EXT1: variants seen among roughly 807,000 people sequenced by gnomAD.
EXT1 encodes exostosin glycosyltransferase 1.
A neutral mutation model predicts 82.5 loss-of-function variants in EXT1; 20 were observed. The ratio of observed to expected loss-of-function variants is 0.24; its 90% confidence interval spans 0.17 to 0.35. The LOEUF (loss-of-function observed/expected upper bound fraction) is 0.35, where lower values mean the gene tolerates loss of function less well. Among genes scored for constraint, EXT1 ranks in the 10% least tolerant of loss-of-function variants. The pLI is 1.00. For missense variants in EXT1, 757 were observed against 936.5 expected, an observed-to-expected ratio of 0.81 and a Z score of 2.50; for synonymous variants, 348 against 350.8, an observed-to-expected ratio of 0.99 and a Z score of 0.09.
intron 1 of EXT1, among the ~76,000 whole-genome samples, chr8:118,012,520 C>G (rs1256486520): frequency 6.6e-6 from 1 of 152,202 alleles, no homozygotes; most frequent in African/African-American, 2.4e-5. Flanking sequence ...AGGACAGAGA[C>G]CAGGCCCAGA....
At chr8:117,808,993 G>A (rs1823275619) in intron 8 of EXT1, among the ~76,000 whole-genome samples, 1 of 151,778 alleles carries the variant, frequency 6.6e-6, no homozygotes. Context: ...CCCTTGGACT[G>A]GGATTTACAT....
intron 1 of EXT1, among the ~76,000 whole-genome samples, chr8:117,903,078 C>T (rs186362217): frequency 4.6e-5 from 7 of 152,328 alleles, no homozygotes; most frequent in Admixed American, 1.3e-4. Context: ...ATTTATGAAG[C>T]TCTTAATATG....
At chr8:118,102,746 A>G (rs765455250) in intron 1 of EXT1, among the ~76,000 whole-genome samples, 5 of 152,252 alleles carry the variant, frequency 3.3e-5, no homozygotes, top group Non-Finnish European at 7.3e-5. Context: ...AGTGGCTAAC[A>G]CTTATAATAG....
chr8:118,054,232 A>C (rs1389285500), intron 1 of EXT1, among the ~76,000 whole-genome samples: 1 of 152,166 alleles, frequency 6.6e-6, no homozygotes, highest in Non-Finnish European at 1.5e-5. Context: ...TTTGTGCCCC[A>C]AACTAGCTAG....
intron 1 of EXT1, among the ~76,000 whole-genome samples, chr8:117,996,053 GC>G (rs1815532957): frequency 6.6e-6 from 1 of 152,024 alleles, no homozygotes; most frequent in Non-Finnish European, 1.5e-5. Context: ...GGGGTCTACT[GC>G]CCTTGCCTTT....
At chr8:117,984,385 T>G (rs1815269065) in intron 1 of EXT1, among the ~76,000 whole-genome samples, 1 of 149,216 alleles carries the variant, frequency 6.7e-6, no homozygotes, top group African/African-American at 2.5e-5. Context: ...GCCGCAATCA[T>G]GCCACTGCAC....
intron 1 of EXT1, among the ~76,000 whole-genome samples, chr8:118,029,729 T>C (rs1678875576): frequency 6.6e-6 from 1 of 152,190 alleles, no homozygotes; most frequent in Non-Finnish European, 1.5e-5. Flanking sequence ...AGGCCAATAA[T>C]GTCAAAGTCT....
intron 1 of EXT1, among the ~76,000 whole-genome samples, chr8:117,875,720 T>C (rs572380597): frequency 2.7e-4 from 41 of 151,444 alleles, no homozygotes; most frequent in African/African-American, 9.4e-4. Context: ...GGGAGAGGAG[T>C]TGAGGGAAGA....
chr8:117,919,326 C>T (rs748812057), intron 1 of EXT1, among the ~76,000 whole-genome samples: 1 of 151,666 alleles, frequency 6.6e-6, no homozygotes, highest in South Asian at 2.1e-4. Context: ...GCTGGCACTA[C>T]AGGCATTACA....
Position 117,809,386 on chromosome 8 carries a change from C to T in EXT1, c.1723-2009G>A, listed in dbSNP as rs983678685. Among the ~76,000 whole-genome samples, 4 of 151,546 alleles carry T rather than the reference C, an allele frequency of 2.6e-5. 1 individual carries two copies. Among genetic ancestry groups the T allele is most frequent in the Admixed American group, 2.6e-4 (4 of 15,198 alleles). ...GCACAGTGTCTCACGCCTATAATCC[C>T]AGCACTTTGGGAGGCTGAGGTGGGC... On this transcript the variant is annotated intron_variant, in intron 8 of 10. Coordinates refer to ENST00000378204, the MANE Select transcript of EXT1 (RefSeq NM_000127.3).
intron 1 of EXT1, among the ~76,000 whole-genome samples, chr8:117,922,919 T>C (rs764916157): frequency 6.6e-6 from 1 of 152,228 alleles, no homozygotes; most frequent in Non-Finnish European, 1.5e-5. Flanking sequence ...CAACCCTTTC[T>C]AATGCTAGTA....
chr8:117,865,721 C>T (rs1037554061), intron 1 of EXT1, among the ~76,000 whole-genome samples: 2 of 152,104 alleles, frequency 1.3e-5, no homozygotes, highest in South Asian at 4.1e-4. Context: ...TGGCACTAAT[C>T]GTATAAATCG....
At chr8:117,930,640 C>T (rs535875875) in intron 1 of EXT1, among the ~76,000 whole-genome samples, 1 of 152,256 alleles carries the variant, frequency 6.6e-6, no homozygotes, top group South Asian at 2.1e-4. Context: ...GACAAGTTGA[C>T]AAAGTCCTTT....
At chr8:117,843,780 C>T (rs1812309386) in intron 1 of EXT1, among the ~76,000 whole-genome samples, 1 of 152,074 alleles carries the variant, frequency 6.6e-6, no homozygotes, top group Admixed American at 6.5e-5. Context: ...CCTCAAAAAC[C>T]CTTCCAATGC....
intron 1 of EXT1, among the ~76,000 whole-genome samples, chr8:117,996,233 C>T (rs1437308711): frequency 6.6e-6 from 1 of 152,148 alleles, no homozygotes; most frequent in African/African-American, 2.4e-5. Flanking sequence ...ATGGAGAGAG[C>T]CCCAACTAAA....
intron 1 of EXT1, among the ~76,000 whole-genome samples, chr8:117,849,687 A>G (rs1456743431): frequency 2.0e-5 from 3 of 152,240 alleles, no homozygotes; most frequent in Admixed American, 1.3e-4. Context: ...TTCTTAAAGA[A>G]CATCTTTAGA....
At chr8:118,015,233 G>A (rs1004851574) in intron 1 of EXT1, among the ~76,000 whole-genome samples, 1 of 152,140 alleles carries the variant, frequency 6.6e-6, no homozygotes, top group Non-Finnish European at 1.5e-5. Flanking sequence ...ACATCTGCTC[G>A]GCAATTCATG....
At chr8:118,001,477 G>A (rs1275387624) in intron 1 of EXT1, among the ~76,000 whole-genome samples, 2 of 151,922 alleles carry the variant, frequency 1.3e-5, no homozygotes, top group Admixed American at 6.6e-5. Context: ...GAGTCACCGC[G>A]CCCGGCCTCC....
chr8:117,891,526 G>A lies in EXT1; in HGVS notation c.963-54325C>T, dbSNP rs905124870. Among the ~76,000 whole-genome samples, 5 of 15,344 alleles carry A rather than the reference G, an allele frequency of 3.3e-4. No individual in the cohort carries two copies. In the East Asian group the frequency reaches 4.0e-3, roughly 12 times the overall value. 10.1% of individuals were successfully genotyped at this position (15,344 alleles called of 152,430 possible). A position where few individuals can be genotyped will look rare whatever the true frequency, so the allele number is the denominator to read the frequency against. The stretch of plus-strand genomic sequence containing the variant: ...ACTCCTTTGTTGAGAATGCCCTTGA[G>A]TGAAAAAAAAATGCTCTAAGTCAGG... On this transcript the variant is annotated intron_variant, in intron 1 of 10. Coordinates refer to ENST00000378204, the MANE Select transcript of EXT1 (RefSeq NM_000127.3).
Sources: allele counts gnomAD v4.1 joint callset (sites outside exome capture counted in the v4.1 genomes callset), GRCh38; gene constraint gnomAD v4.1.1; transcripts MANE v1.5; gene names NCBI Gene and HGNC (gene_info 2026-07-23, HGNC 2026-07-21).